Variants in SIX6 observed in about 807,000 individuals in gnomAD.
SIX6 encodes SIX homeobox 6.
In SIX6, 14 loss-of-function variants were observed where a neutral mutation model predicts 23.6. The ratio of observed to expected loss-of-function variants is 0.59; its 90% CI spans 0.39 to 0.93. SIX6 has a LOEUF of 0.93. SIX6 is among the 40% of genes least tolerant of loss of function. The pLI, the probability that SIX6 is intolerant of heterozygous loss-of-function variation, is 0.00. For synonymous variants in SIX6, 128 were observed against 144.9 expected, an observed-to-expected ratio of 0.88 and a Z score of 0.84; for missense variants, 307 against 325.6, an observed-to-expected ratio of 0.94 and a Z score of 0.44.
Position 60,509,516 on chromosome 14 carries a change from G to T in SIX6, c.118G>T (p.Ala40Ser). The stretch of plus-strand genomic sequence containing the variant: ...TCGCTTCCTCTGGTCGCTGCCCGTG[G>T]CCCCTGCGGCCTGCGAGGCCCTCAA... Reference protein sequence around the residue: ...LGRFLWSLPVAPAACEALNKN... With the variant: ...LGRFLWSLPVSPAACEALNKN... The change falls in exon 1 of 2, where the codon GCC (alanine) becomes TCC (serine). Residue 40 changes from alanine (A) to serine (S), a missense_variant. Coordinates refer to ENST00000327720, the MANE Select transcript of SIX6 (RefSeq NM_007374.3). 2 of 1,606,298 alleles carry T rather than the reference G, an allele frequency of 1.2e-6. No homozygotes were observed. The highest frequency in any genetic ancestry group is 8.5e-7 in the Non-Finnish European group (1 of 1,179,982).
chr14:60,511,039 G>A (rs1566691488), intron 1 of SIX6, 45 bp from the exon 2 acceptor site: 3 of 1,596,448 alleles, frequency 1.9e-6, no homozygotes, highest in Non-Finnish European at 2.6e-6. Context: ...GGCGACGGGC[G>A]GCTGTGTTAC....
Position 60,511,382 on chromosome 14 carries a change from C to A in SIX6, c.*130C>A. On this transcript the variant is annotated 3_prime_UTR_variant, in exon 2 of 2. Coordinates refer to ENST00000327720, the MANE Select transcript of SIX6 (RefSeq NM_007374.3). Reference sequence around the variant, plus strand: ...AGCCAGGTGACCAGGGACCCGCGGGCTCGGGTTGCCGTTTCCCGCCCCACC... The same window carrying A: ...AGCCAGGTGACCAGGGACCCGCGGGATCGGGTTGCCGTTTCCCGCCCCACC... The A allele has an allele frequency of 1.7e-6, 2 of 1,163,172 alleles. No homozygotes were observed. Among genetic ancestry groups the A allele is most frequent in the Non-Finnish European group, 2.5e-6 (2 of 797,990 alleles). The allele number at this position is 1,163,172 out of a possible 1,614,324, so 72.1% of individuals were successfully genotyped here. A position where few individuals can be genotyped will look rare whatever the true frequency, so the allele number is the denominator to read the frequency against.
Position 60,509,549 on chromosome 14 carries a change from G to T in SIX6, c.151G>T (p.Glu51Ter). ...GGCCTGCGAGGCCCTCAACAAGAAT[G>T]AGTCGGTGCTACGCGCACGAGCCAT... ...PAACEALNKN[E>*]SVLRARAIVA... Residue 51 changes from glutamate to a stop codon, truncating the protein, a stop_gained, in exon 1 of 2, where the codon GAG (glutamate) becomes TAG (stop). Transcript: ENST00000327720. LOFTEE classifies it high-confidence loss of function. 1 of 1,611,102 alleles carries T rather than the reference G, an allele frequency of 6.2e-7. No homozygotes were observed.
Position 60,511,323 on chromosome 14 carries a change from G to A in SIX6, c.*71G>A. The A allele has an allele frequency of 7.6e-7, 1 of 1,323,484 alleles. No homozygotes were observed. The highest frequency in any genetic ancestry group is 1.1e-6 in the Non-Finnish European group (1 of 916,804). The allele number at this position is 1,323,484 out of a possible 1,614,324, so 82.0% of individuals were successfully genotyped here. On this transcript the variant is annotated 3_prime_UTR_variant, in exon 2 of 2. Coordinates refer to ENST00000327720, the MANE Select transcript of SIX6 (RefSeq NM_007374.3). ...AGAAAAACAAAATGAAAGAGGGGAA[G>A]AAGATGAGAGACCTGCAAATCCAGC...
Position 60,511,387 on chromosome 14 carries a change from G to A in SIX6, c.*135G>A, listed in dbSNP as rs921108218. 2.7e-6 allele frequency: 3 copies of A among 1,130,156 alleles called. No homozygotes were observed. Among genetic ancestry groups the A allele is most frequent in the African/African-American group, 3.1e-5 (2 of 65,330 alleles). The allele number at this position is 1,130,156 out of a possible 1,614,324, so 70.0% of individuals were successfully genotyped here. On this transcript the variant is annotated 3_prime_UTR_variant, in exon 2 of 2. Coordinates refer to ENST00000327720, the MANE Select transcript of SIX6 (RefSeq NM_007374.3). ...GGTGACCAGGGACCCGCGGGCTCGG[G>A]TTGCCGTTTCCCGCCCCACCCCGCG...
In SIX6 at chr14:60,509,432, C is replaced by G; in HGVS notation, c.34C>G (p.Gln12Glu). 1 of 1,599,692 alleles carries G rather than the reference C, an allele frequency of 6.3e-7. No homozygotes were observed. The change falls in exon 1 of 2, where the codon CAG becomes GAG. Residue 12 changes from glutamine (Q) to glutamate (E), a missense_variant. By Grantham distance (29) the Gln-to-Glu change is conservative (BLOSUM62 2). Transcript: ENST00000327720. ...GCTGCCCATCTTGAATTTCAGCCCC[C>G]AGCAAGTGGCCGGGGTATGTGAGAC... ...FQLPILNFSP[Q>E]QVAGVCETLE...
In SIX6 at chr14:60,512,232, G is replaced by A. The variant is rs568794812; in HGVS notation, c.*980G>A. ...AGCAATTTAGGAAGCCAAACTATGGGACTCAATAAGTGAGTCCTATTTTCT... is the reference window on the plus strand; with the variant it reads ...AGCAATTTAGGAAGCCAAACTATGGAACTCAATAAGTGAGTCCTATTTTCT... On this transcript the variant is annotated 3_prime_UTR_variant, in exon 2 of 2. Coordinates refer to ENST00000327720, the MANE Select transcript of SIX6 (RefSeq NM_007374.3). 30 of 152,190 alleles carry A rather than the reference G, an allele frequency of 2.0e-4. No individual in the cohort carries two copies. The highest frequency in any genetic ancestry group is 1.2e-3 in the South Asian group (6 of 4,812). The allele number at this position is 152,190 out of a possible 1,614,324, so 9.4% of individuals were successfully genotyped here. A position where few individuals can be genotyped will look rare whatever the true frequency, so the allele number is the denominator to read the frequency against.
At chr14:60,509,993 G>A (rs967382044) in intron 1 of SIX6, 23 bp downstream of exon 1, 2 of 1,574,626 alleles carry the variant, frequency 1.3e-6, no homozygotes, top group Admixed American at 1.8e-5. Context: ...AGGCCTCCGC[G>A]CTTTGAGCGC....
In SIX6 at chr14:60,509,977, A is replaced by T; in HGVS notation, c.572+7A>T. 6.3e-7 allele frequency: 1 copy of T among 1,592,800 alleles called. No individual in the cohort carries two copies. Among genetic ancestry groups the T allele is most frequent in the Non-Finnish European group, 8.6e-7 (1 of 1,168,586 alleles). ...CGGCTGCAGCCAAGAACAGGTCGGTACCTAGAGGCCTCCGCGCTTTGAGCG... is the reference window on the plus strand; with the variant it reads ...CGGCTGCAGCCAAGAACAGGTCGGTTCCTAGAGGCCTCCGCGCTTTGAGCG... On this transcript the variant is annotated splice_region_variant and intron_variant, in intron 1 of 1. Coordinates refer to ENST00000327720, the MANE Select transcript of SIX6 (RefSeq NM_007374.3).
intron 1 of SIX6, 53 bp from the exon 2 acceptor site, chr14:60,511,031 C>T (rs899539931): frequency 1.9e-6 from 3 of 1,573,590 alleles, no homozygotes; most frequent in Admixed American, 3.5e-5. Flanking sequence ...TGGGGGCGGG[C>T]GACGGGCGGC....
In SIX6 at chr14:60,509,949, G is replaced by T; in HGVS notation, c.551G>T (p.Arg184Leu). 1 of 1,607,012 alleles carries T rather than the reference G, an allele frequency of 6.2e-7. No homozygotes were observed. The highest frequency in any genetic ancestry group is 8.5e-7 in the Non-Finnish European group (1 of 1,176,498). The stretch of plus-strand genomic sequence containing the variant: ...TTCAAAAACCGCCGACAAAGGGACC[G>T]AGCGGCTGCAGCCAAGAACAGGTCG... ...NWFKNRRQRD[R>L]AAAAKNRLQQ... Residue 184 changes from arginine (R) to leucine (L), a missense_variant, in exon 1 of 2, where the codon CGA becomes CTA. By Grantham distance (102) the Arg-to-Leu change is moderately radical. Coordinates refer to ENST00000327720, the MANE Select transcript of SIX6 (RefSeq NM_007374.3).
At position 60,509,757 on chromosome 14, in the gene SIX6, C is replaced by T; in HGVS notation, c.359C>T (p.Pro120Leu). The T allele has an allele frequency of 6.2e-7, 1 of 1,613,236 alleles. No homozygotes were observed. Among genetic ancestry groups the T allele is most frequent in the Non-Finnish European group, 8.5e-7 (1 of 1,179,312 alleles). The change falls in exon 1 of 2, where the codon CCG becomes CTG. Residue 120 changes from proline (P) to leucine (L), a missense_variant. Transcript: ENST00000327720. ...VDKYRVRKKF[P>L]LPRTIWDGEQ... ...AAGTACCGAGTAAGGAAGAAGTTCCCGCTGCCGCGCACCATTTGGGACGGC... is the reference window on the plus strand; with the variant it reads ...AAGTACCGAGTAAGGAAGAAGTTCCTGCTGCCGCGCACCATTTGGGACGGC...
chr14:60,510,182 G>A (rs893642398), intron 1 of SIX6, among the ~76,000 whole-genome samples: 1 of 152,096 alleles, frequency 6.6e-6, no homozygotes, highest in Non-Finnish European at 1.5e-5. Flanking sequence ...CACGCCTGCG[G>A]GCAGCTGCAG....
chr14:60,509,598 A>G lies in SIX6; in HGVS notation c.200A>G (p.Tyr67Cys). Residue 67 changes from tyrosine to cysteine, a missense_variant, in exon 1 of 2, where the codon TAC (tyrosine) becomes TGC (cysteine). Physicochemically the swap from Tyr to Cys is radical, Grantham distance 194. Coordinates refer to ENST00000327720, the MANE Select transcript of SIX6 (RefSeq NM_007374.3). ...RAIVAFHGGNYRELYHILENH... is the reference protein window; with the variant it reads ...RAIVAFHGGNCRELYHILENH... The stretch of plus-strand genomic sequence containing the variant: ...ATCGTGGCCTTTCACGGTGGCAACT[A>G]CCGCGAGCTCTATCATATCCTGGAA... 1 of 1,613,410 alleles carries G rather than the reference A, an allele frequency of 6.2e-7. No individual in the cohort carries two copies.
rs541794690 is a variant in SIX6 at position 60,510,136 on chromosome 14, C to T, written c.572+166C>T. Among the ~76,000 whole-genome samples, 5 of 152,318 alleles carry T rather than the reference C, an allele frequency of 3.3e-5. No homozygotes were observed. The South Asian group carries it at 1.0e-3, about 32-fold the overall frequency. On this transcript the variant is annotated intron_variant, in intron 1 of 1. Coordinates refer to ENST00000327720, the MANE Select transcript of SIX6 (RefSeq NM_007374.3). ...CGTTCTGGGCTCCTGGCCGGGAGTTCCCTTGCCGGCTCTGCTTCCCCACCC... is the reference window on the plus strand; with the variant it reads ...CGTTCTGGGCTCCTGGCCGGGAGTTTCCTTGCCGGCTCTGCTTCCCCACCC...
chr14:60,510,271 CAGTT>C (rs1018361280), intron 1 of SIX6, among the ~76,000 whole-genome samples: 1 of 152,184 alleles, frequency 6.6e-6, no homozygotes, highest in African/African-American at 2.4e-5. Context: ...ATCCTACAAA[CAGTT>C]AGGGACCCCA....
At position 60,511,358 on chromosome 14, in the gene SIX6, GC is replaced by G; in HGVS notation, c.*108del. The G allele has an allele frequency of 1.5e-6, 2 of 1,357,636 alleles. No individual in the cohort carries two copies. The highest frequency in any genetic ancestry group is 2.1e-6 in the Non-Finnish European group (2 of 959,976). 84.1% of individuals were successfully genotyped at this position (1,357,636 alleles called of 1,614,324 possible). ...GACCTGCAAATCCAGCGCCACAGAA[GC>G]CAGGTGACCAGGGACCCGCGGGCTC... is the stretch of plus-strand genomic sequence containing the variant. On this transcript the variant is annotated 3_prime_UTR_variant, in exon 2 of 2. Transcript: ENST00000327720.
At chr14:60,510,076 T>G in intron 1 of SIX6, 106 bp downstream of exon 1, 1 of 1,026,064 alleles carries the variant, frequency 9.7e-7, no homozygotes, top group East Asian at 2.6e-5. Flanking sequence ...TCAGCAGGAG[T>G]TGGGAGCGCG....
At chr14:60,510,170 C>T (rs1187491479) in intron 1 of SIX6, among the ~76,000 whole-genome samples, 200 bp downstream of exon 1, 2 of 152,112 alleles carry the variant, frequency 1.3e-5, no homozygotes, top group Non-Finnish European at 2.9e-5. Flanking sequence ...CCGCTGGCTC[C>T]CCACGCCTGC....
Sources: gnomAD v4.1 joint callset for allele counts (sites outside exome capture counted in the v4.1 genomes callset) on GRCh38, gnomAD v4.1.1 for gene constraint, MANE v1.5 for transcripts, NCBI Gene and HGNC (gene_info 2026-07-23, HGNC 2026-07-21) for gene names.